The following PARP11 variants were observed in gnomAD, a reference collection of about 807,000 sequenced individuals.
PARP11 encodes the protein protein mono-ADP-ribosyltransferase PARP11.
Under a neutral mutation model 42.9 loss-of-function variants are expected in PARP11, and 31 were observed. That is an observed-to-expected ratio of 0.72 (90% confidence interval 0.54 to 0.98). PARP11 has a LOEUF of 0.98. Among genes scored for constraint, PARP11 ranks in the 50% least tolerant of loss-of-function variants. The probability of loss-of-function intolerance (pLI) is 0.00; values close to 1 mark genes in which losing one functional copy is unlikely to be tolerated. For synonymous variants in PARP11, 137 were observed against 127.3 expected, an observed-to-expected ratio of 1.08 and a Z score of -0.51; for missense variants, 365 against 413.1, an observed-to-expected ratio of 0.88 and a Z score of 1.01.
intron 1 of PARP11, among the ~76,000 whole-genome samples, chr12:3,851,984 G>A (rs1414720504): frequency 6.6e-6 from 1 of 152,210 alleles, no homozygotes; most frequent in Non-Finnish European, 1.5e-5. Context: ...GGGATACCCA[G>A]GCAAACAGGT....
At chr12:3,826,467 T>A (rs1947529282) in intron 3 of PARP11, among the ~76,000 whole-genome samples, 1 of 152,220 alleles carries the variant, frequency 6.6e-6, no homozygotes, top group African/African-American at 2.4e-5. Context: ...CACATAAAGA[T>A]GCTCATTTCA....
rs1947871992 is a variant in PARP11, at chr12:3,840,856, A to T, written c.19-10838T>A. ...AGAGTGCCCTTCTCCTGCAGAACAA[A>T]AGCCAGCAGAACATGTGTCTTTGTC... On this transcript the variant is annotated intron_variant, in intron 1 of 7. Coordinates refer to ENST00000228820, the MANE Select transcript of PARP11 (RefSeq NM_020367.6). The surrounding 1 kb of genome is among the most constrained non-coding windows in gnomAD (Gnocchi z 4.4). The T allele has an allele frequency of 1.3e-6, 2 of 1,599,998 alleles. No homozygotes were observed. Among genetic ancestry groups the T allele is most frequent in the East Asian group, 4.5e-5 (2 of 44,844 alleles).
intron 1 of PARP11, among the ~76,000 whole-genome samples, chr12:3,835,813 T>A (rs765348682): frequency 6.6e-6 from 1 of 151,946 alleles, no homozygotes; most frequent in African/African-American, 2.4e-5. Flanking sequence ...AACTTGAACA[T>A]AAATTAATAG....
chr12:3,820,279 G>A (rs999048518), intron 6 of PARP11, among the ~76,000 whole-genome samples: 3 of 152,216 alleles, frequency 2.0e-5, no homozygotes, highest in Non-Finnish European at 2.9e-5. Context: ...ATGGACTCAC[G>A]TGGGCCTGAC....
intron 1 of PARP11, chr12:3,839,993 A>T: frequency 6.4e-7 from 1 of 1,561,958 alleles, no homozygotes; most frequent in Non-Finnish European, 8.8e-7. Flanking sequence ...GGCAACGAGC[A>T]GCTGAAGAAC....
chr12:3,824,583 A>G, intron 4 of PARP11: 3 of 950,848 alleles, frequency 3.2e-6, no homozygotes, highest in Non-Finnish European at 3.8e-6. Flanking sequence ...TATCTTACCT[A>G]AACAGTCCTC....
At chr12:3,841,083 C>G (rs2072388) in intron 1 of PARP11, 97,072 of 1,606,246 alleles carry the variant, frequency 0.06, 3,611 homozygotes, top group East Asian at 0.19. Context: ...ATTTAACACC[C>G]TCTCCAGTTC....
At chr12:3,872,022 T>C (rs1948490852) in intron 1 of PARP11, 1 of 152,134 alleles carries the variant, frequency 6.6e-6, no homozygotes, top group Non-Finnish European at 1.5e-5. Context: ...CTATTAAGCT[T>C]TCCCTGCCAT....
chr12:3,829,349 ATCT>A (rs1947591566), intron 2 of PARP11, among the ~76,000 whole-genome samples: 1 of 152,198 alleles, frequency 6.6e-6, no homozygotes. Flanking sequence ...CTCAAGTTAA[ATCT>A]TCTTTATATA....
chr12:3,856,289 A>C (rs1809506808), intron 1 of PARP11, among the ~76,000 whole-genome samples: 1 of 152,098 alleles, frequency 6.6e-6, no homozygotes, highest in Non-Finnish European at 1.5e-5. Flanking sequence ...CTAATTAAAG[A>C]GTTTCTGCAC....
chr12:3,813,670 A>C (rs890541661), intron 7 of PARP11, among the ~76,000 whole-genome samples: 3 of 152,244 alleles, frequency 2.0e-5, no homozygotes, highest in Non-Finnish European at 4.4e-5. Flanking sequence ...TGCTGGAAGC[A>C]AGGTACAAAG....
At position 3,864,317 on chromosome 12, in the gene PARP11, G is replaced by A. The variant is rs1276515584; in HGVS notation, c.18+8895C>T. 3.3e-5 allele frequency among the ~76,000 whole-genome samples: 5 copies of A among 152,094 alleles called. No homozygotes were observed. In the South Asian group the frequency reaches 1.0e-3, roughly 32 times the overall value. ...ATGATGTATTAATCCTTTTATATAT[G>A]TTAGATTTGAGTTGCTAAAATTCTG... On this transcript the variant is annotated intron_variant, in intron 1 of 7. Transcript: ENST00000228820.
chr12:3,842,709 G>A (rs1228624605), intron 1 of PARP11, among the ~76,000 whole-genome samples: 4 of 152,148 alleles, frequency 2.6e-5, no homozygotes, highest in Non-Finnish European at 4.4e-5. Context: ...TGGCATTGCC[G>A]GTTTTCTTCA....
At chr12:3,860,255 G>C (rs1198905111) in intron 1 of PARP11, among the ~76,000 whole-genome samples, 2 of 152,056 alleles carry the variant, frequency 1.3e-5, no homozygotes, top group African/African-American at 2.4e-5. Flanking sequence ...AATGAAGGAG[G>C]GTTGGTAGAC....
intron 4 of PARP11, among the ~76,000 whole-genome samples, chr12:3,824,275 G>C (rs1279759965): frequency 4.6e-5 from 7 of 152,134 alleles, no homozygotes; most frequent in Admixed American, 6.5e-5. Context: ...CTTCTATTTA[G>C]AGAGTCCTAA....
intron 1 of PARP11, among the ~76,000 whole-genome samples, chr12:3,830,484 T>C (rs981076436): frequency 3.9e-5 from 6 of 152,182 alleles, no homozygotes; most frequent in Non-Finnish European, 4.4e-5. Context: ...TACAAAAAAA[T>C]AGAAATAGTA....
At chr12:3,821,256 C>CAAAA (rs1947385267) in intron 6 of PARP11, among the ~76,000 whole-genome samples, 1 of 152,124 alleles carries the variant, frequency 6.6e-6, no homozygotes, top group Non-Finnish European at 1.5e-5. Context: ...CAGAGAACCG[C>CAAAA]TTATTTTAAT....
At chr12:3,862,627 A>G (rs542359208) in intron 1 of PARP11, among the ~76,000 whole-genome samples, 3 of 150,522 alleles carry the variant, frequency 2.0e-5, no homozygotes, top group Non-Finnish European at 4.4e-5. Flanking sequence ...TTTATAGTAT[A>G]GCAAAGTATG....
At chr12:3,839,501 C>G in intron 1 of PARP11, 1 of 1,604,142 alleles carries the variant, frequency 6.2e-7, no homozygotes, top group Non-Finnish European at 8.5e-7. Flanking sequence ...GTCAGAATGG[C>G]CTGTATTCAC....
Sources: allele counts gnomAD v4.1 joint callset (sites outside exome capture counted in the v4.1 genomes callset), GRCh38; gene constraint gnomAD v4.1.1; non-coding constraint Gnocchi (gnomAD v3.1); transcripts MANE v1.5; gene names NCBI Gene and HGNC (gene_info 2026-07-23, HGNC 2026-07-21).